F8: variants seen among roughly 807,000 people sequenced by gnomAD.
F8 encodes antihemophilic factor.
F8 carries 12 observed loss-of-function variants against 140.6 expected under a neutral mutation model. The observed-to-expected ratio is 0.09, with a 90% CI of 0.05 to 0.14. The LOEUF is 0.14. Among genes scored for constraint, F8 ranks in the 10% least tolerant of loss-of-function variants. The pLI is 1.00. For synonymous variants in F8, 585 were observed against 614.6 expected, an observed-to-expected ratio of 0.95 and a Z score of 0.71; for missense variants, 1,354 against 1,720.7, an observed-to-expected ratio of 0.79 and a Z score of 3.77.
intron 8 of F8, 77 bp downstream of exon 8, chrX:154,966,349 A>T (rs969426932): frequency 8.7e-7 from 1 of 1,144,492 alleles, no homozygotes; most frequent in East Asian, 3.0e-5. Flanking sequence ...TGGCTTCAGG[A>T]TTTGTTGGTT....
In F8 at chrX:155,008,658, G is replaced by A. The variant is rs367799987; in HGVS notation, c.144-9058C>T. Among the ~76,000 whole-genome samples the A allele has an allele frequency of 8.1e-5, 9 of 110,854 alleles. No homozygotes were observed. The South Asian group carries it at 2.3e-3, about 28-fold the overall frequency. ...CTTCACCTCCGCTGAGGTGTGCGCC[G>A]GGATTGCCCCAGAGGAATGTTGCCT... On this transcript the variant is annotated intron_variant, in intron 1 of 25. Coordinates refer to ENST00000360256, the MANE Select transcript of F8 (RefSeq NM_000132.4).
chrX:154,982,522 T>TTTTATC (rs2073534527), intron 6 of F8, among the ~76,000 whole-genome samples: 1 of 109,586 alleles, frequency 9.1e-6, no homozygotes. Context: ...TACTAGACTA[T>TTTTATC]TTTATCATTT....
At chrX:154,871,727 C>T (rs1040586089) in intron 22 of F8, among the ~76,000 whole-genome samples, 17 of 112,105 alleles carry the variant, frequency 1.5e-4, no homozygotes, top group Non-Finnish European at 2.8e-4. Flanking sequence ...AGCTTCTGCA[C>T]AGCAAAAGAA....
intron 22 of F8, among the ~76,000 whole-genome samples, chrX:154,893,712 C>T (rs1557275362): frequency 9.0e-6 from 1 of 111,400 alleles, no homozygotes; most frequent in Non-Finnish European, 1.9e-5. Flanking sequence ...GATTTACTTT[C>T]CAACCTTACT....
At chrX:154,953,514 A>G (rs781881939) in intron 12 of F8, among the ~76,000 whole-genome samples, 1 of 112,060 alleles carries the variant, frequency 8.9e-6, no homozygotes, top group Non-Finnish European at 1.9e-5. Context: ...AGTCTGCAGT[A>G]CTTTGTTATG....
chrX:154,974,468 C>A (rs62619842), intron 6 of F8, among the ~76,000 whole-genome samples: 232 of 111,970 alleles, frequency 2.1e-3, no homozygotes, highest in Middle Eastern at 0.014. Flanking sequence ...TAAATCCCAC[C>A]TGATCATGGT....
At chrX:154,938,880 T>C (rs1370788267) in intron 13 of F8, among the ~76,000 whole-genome samples, 4 of 87,593 alleles carry the variant, frequency 4.6e-5, no homozygotes, top group African/African-American at 1.8e-4. Flanking sequence ...AAATGAAAGG[T>C]GTAAATATAT....
At chrX:154,943,822 T>A (rs1158293719) in intron 13 of F8, among the ~76,000 whole-genome samples, 1 of 111,199 alleles carries the variant, frequency 9.0e-6, no homozygotes, top group East Asian at 2.8e-4. Flanking sequence ...AAAACAGAGA[T>A]ATAGACCAAT....
chrX:155,009,833 A>C (rs2073697619), intron 1 of F8, among the ~76,000 whole-genome samples: 1 of 112,173 alleles, frequency 8.9e-6, no homozygotes, highest in Non-Finnish European at 1.9e-5. Flanking sequence ...TTGGAAGATC[A>C]GAGAGGGAAC....
At chrX:154,969,613 T>C in intron 6 of F8, 61 bp from the exon 7 acceptor site, 1 of 1,007,022 alleles carries the variant, frequency 9.9e-7, no homozygotes, top group East Asian at 3.0e-5. Context: ...TGGAAAACAC[T>C]TGCTAGGACA....
chrX:154,838,545 G>C (rs2072492935), intron 25 of F8, among the ~76,000 whole-genome samples: 1 of 111,963 alleles, frequency 8.9e-6, no homozygotes, highest in East Asian at 2.8e-4. Flanking sequence ...TGCAAGGACA[G>C]ACAGACACCA....
At chrX:154,955,165 C>CTTTTTTTTTTTTTTTTTTT (rs1185466045) in intron 11 of F8, among the ~76,000 whole-genome samples, 1 of 36,065 alleles carries the variant, frequency 2.8e-5, no homozygotes, top group African/African-American at 1.2e-4. Context: ...ATTTATTAAG[C>CTTTTTTTTTTTTTTTTTTT]TTTTTTTTTT....
At position 154,923,319 on chromosome X, in the gene F8, C is replaced by T. The variant is rs190143063; in HGVS notation, c.5219+5252G>A. 7.1e-5 allele frequency among the ~76,000 whole-genome samples: 8 copies of T among 111,895 alleles called. No individual in the cohort carries two copies. In the East Asian group the frequency reaches 8.4e-4, roughly 12 times the overall value. ...GCTTTCCCTGGTCAATTATCTTCAT[C>T]GTTCCATTTCAGTACATTTTCATCT... On this transcript the variant is annotated intron_variant, in intron 14 of 25. Transcript: ENST00000360256.
Position 154,837,674 on chromosome X carries a change from T to C in F8, c.6979A>G (p.Ile2327Val). Residue 2327 changes from isoleucine (I) to valine (V), a missense_variant, in exon 26 of 26, where the codon ATT (isoleucine) becomes GTT (valine). Ile to Val is a conservative substitution (Grantham distance 29, BLOSUM62 3). Around this residue, in one of 4 missense-constraint regions of F8, gnomAD observed 316 missense variants for 485.4 expected, o/e 0.65. Coordinates refer to ENST00000360256, the MANE Select transcript of F8 (RefSeq NM_000132.4). ...DPPLLTRYLR[I>V]HPQSWVHQIA... ...TGGTGCACCCAACTCTGGGGGTGAA[T>C]TCGAAGGTAGCGAGTCAGTAACGGT... The C allele has an allele frequency of 8.3e-7, 1 of 1,211,050 alleles. No homozygotes were observed.
chrX:154,892,648 G>A (rs1368066642), intron 22 of F8, among the ~76,000 whole-genome samples: 1 of 112,161 alleles, frequency 8.9e-6, no homozygotes, highest in Non-Finnish European at 1.9e-5. Context: ...TATGAAACAA[G>A]GGATCCAGCA....
At position 154,928,677 on chromosome X, in the gene F8, G is replaced by C. The variant is rs137852361; in HGVS notation, c.5113C>G (p.Gln1705Glu). Residue 1705 changes from glutamine to glutamate, a missense_variant, in exon 14 of 26, where the codon CAG becomes GAG. Transcript: ENST00000360256. The stretch of plus-strand genomic sequence containing the variant: ...TTCTTTTGAAAGCTGCGGGGGCTCT[G>C]ATTTTCATCCTCATCATAAATGTCA... Reference protein sequence around the residue: ...DFDIYDEDENQSPRSFQKKTR... With the variant: ...DFDIYDEDENESPRSFQKKTR... The C allele has an allele frequency of 8.3e-7, 1 of 1,209,555 alleles. No individual in the cohort carries two copies. The highest frequency in any genetic ancestry group is 2.2e-5 in the Admixed American group (1 of 45,693).
At chrX:154,925,635 C>T (rs1485679686) in intron 14 of F8, among the ~76,000 whole-genome samples, 1 of 112,462 alleles carries the variant, frequency 8.9e-6, no homozygotes, top group African/African-American at 3.2e-5. Context: ...TTTGACTGCC[C>T]CGTAGAATTT....
At chrX:154,876,115 ATTTTTT>A (rs58675912) in intron 22 of F8, among the ~76,000 whole-genome samples, 1 of 81,471 alleles carries the variant, frequency 1.2e-5, no homozygotes. Flanking sequence ...TATCATGGGA[ATTTTTT>A]TTTTTTTTTT....
intron 14 of F8, among the ~76,000 whole-genome samples, chrX:154,917,148 A>G (rs1412745437): frequency 1.8e-5 from 2 of 112,151 alleles, no homozygotes; most frequent in African/African-American, 6.5e-5. Context: ...GATACTTAAT[A>G]TAATTTTATT....
Sources: gnomAD v4.1 joint callset for allele counts (sites outside exome capture counted in the v4.1 genomes callset) on GRCh38, gnomAD v4.1.1 for gene constraint, gnomAD v4.1.1 regional missense constraint, MANE v1.5 for transcripts, NCBI Gene and HGNC (gene_info 2026-07-23, HGNC 2026-07-21) for gene names.